Variants in C16orf89 observed in about 807,000 individuals in gnomAD.
C16orf89 encodes chromosome 16 open reading frame 89.
C16orf89 carries 57 observed loss-of-function variants against 41.5 expected under a neutral mutation model. The ratio of observed to expected loss-of-function variants is 1.38; its 90% CI spans 1.11 to 1.71. The LOEUF is 1.71. Among genes scored for constraint, C16orf89 ranks in the 40% most tolerant of loss-of-function variants. The probability of loss-of-function intolerance (pLI) is 0.00; values close to 1 mark genes in which losing one functional copy is unlikely to be tolerated. For missense variants in C16orf89, 575 were observed against 445.9 expected (o/e 1.29, Z -2.61); for synonymous variants, 223 against 190.6 (o/e 1.17, Z -1.40).
intron 1 of C16orf89, among the ~76,000 whole-genome samples, chr16:5,064,525 C>T (rs935125833): frequency 2.0e-5 from 3 of 152,358 alleles, no homozygotes; most frequent in East Asian, 3.9e-4. Flanking sequence ...CAAAACTCCA[C>T]GAGAGCAGTT....
chr16:5,051,673 A>G (rs750923217), intron 6 of C16orf89, among the ~76,000 whole-genome samples: 4 of 152,206 alleles, frequency 2.6e-5, no homozygotes, highest in Non-Finnish European at 4.4e-5. Context: ...CATTCTTCAC[A>G]GAAATAGAAA....
chr16:5,048,678 A>G (rs1430936889), intron 6 of C16orf89, among the ~76,000 whole-genome samples: 1 of 152,230 alleles, frequency 6.6e-6, no homozygotes, highest in Non-Finnish European at 1.5e-5. Flanking sequence ...TATCATGAAA[A>G]CATGAAAAAG....
intron 1 of C16orf89, 148 bp downstream of exon 1, chr16:5,065,553 C>T (rs1443410598): frequency 5.2e-6 from 5 of 953,640 alleles, no homozygotes; most frequent in Non-Finnish European, 7.7e-6. Flanking sequence ...CAGGAAGATC[C>T]AGCCCCTGGC....
At chr16:5,057,471 G>A (rs926107771) in intron 4 of C16orf89, among the ~76,000 whole-genome samples, 1 of 146,896 alleles carries the variant, frequency 6.8e-6, no homozygotes, top group East Asian at 2.1e-4. Context: ...ATATATACTG[G>A]TGTGTGTGTA....
At chr16:5,056,217 G>A (rs2142643043) in intron 4 of C16orf89, 29 bp from the exon 5 acceptor site, 3 of 1,572,700 alleles carry the variant, frequency 1.9e-6, no homozygotes, top group Non-Finnish European at 2.6e-6. Flanking sequence ...AAAGACAAGG[G>A]AGTCAGTGGT....
At chr16:5,060,497 C>T (rs1167060658) in intron 2 of C16orf89, 61 bp from the exon 3 acceptor site, 3 of 1,501,156 alleles carry the variant, frequency 2.0e-6, no homozygotes, top group South Asian at 1.3e-5. Context: ...CAGTGGGCCA[C>T]CCTGGTGTCC....
chr16:5,062,903 A>G (rs1956658344), intron 1 of C16orf89, among the ~76,000 whole-genome samples: 1 of 152,202 alleles, frequency 6.6e-6, no homozygotes, highest in Non-Finnish European at 1.5e-5. Context: ...TGGCCAGAGA[A>G]AGGTTGCAGG....
At chr16:5,048,301 C>A (rs1596684449) in intron 6 of C16orf89, among the ~76,000 whole-genome samples, 1 of 152,146 alleles carries the variant, frequency 6.6e-6, no homozygotes, top group East Asian at 1.9e-4. Flanking sequence ...TCCCAAAGTA[C>A]TGGATTATAT....
chr16:5,044,197 C>A lies in C16orf89; in HGVS notation c.*151G>T. Reference sequence around the variant, plus strand: ...CCCCCACCTACCCTGGCCTTGCCTACTCAGGGCTTCCAAGATTGGGTGTCG... The same window carrying A: ...CCCCCACCTACCCTGGCCTTGCCTAATCAGGGCTTCCAAGATTGGGTGTCG... On this transcript the variant is annotated 3_prime_UTR_variant, in exon 8 of 8. Transcript: ENST00000472572. 7.1e-7 allele frequency: 1 copy of A among 1,400,866 alleles called. No homozygotes were observed. The highest frequency in any genetic ancestry group is 9.2e-7 in the Non-Finnish European group (1 of 1,082,140). 86.8% of individuals were successfully genotyped at this position (1,400,866 alleles called of 1,614,324 possible). A position where few individuals can be genotyped will look rare whatever the true frequency, so the allele number is the denominator to read the frequency against.
chr16:5,060,220 G>A lies in C16orf89; in HGVS notation c.509+66C>T, dbSNP rs147298665. ...CCCTAGGGCTTGGAGAAGGAGGAGC[G>A]GGACAGGACCAGCTGAGAACTAGTG... On this transcript the variant is annotated intron_variant, in intron 3 of 7. Coordinates refer to ENST00000472572, the MANE Select transcript of C16orf89 (RefSeq NM_001098514.3). The A allele has an allele frequency of 2.4e-3, 3,564 of 1,498,600 alleles. 7 individuals are homozygous for A. The highest frequency in any genetic ancestry group is 2.3e-3 in the Non-Finnish European group (2,500 of 1,109,538). The allele number at this position is 1,498,600 out of a possible 1,614,324, so 92.8% of individuals were successfully genotyped here. A position where few individuals can be genotyped will look rare whatever the true frequency, so the allele number is the denominator to read the frequency against.
intron 7 of C16orf89, among the ~76,000 whole-genome samples, chr16:5,047,612 C>T (rs964074813): frequency 5.3e-5 from 8 of 152,018 alleles, no homozygotes; most frequent in Non-Finnish European, 8.8e-5. Context: ...GGACTACAGG[C>T]GTGTGCCACC....
chr16:5,064,292 A>T (rs1956690668), intron 1 of C16orf89, among the ~76,000 whole-genome samples: 1 of 152,190 alleles, frequency 6.6e-6, no homozygotes, highest in Non-Finnish European at 1.5e-5. Flanking sequence ...CTGCAATGGG[A>T]CGTAGACCCT....
intron 2 of C16orf89, 130 bp from the exon 3 acceptor site, chr16:5,060,566 C>T (rs1956597180): frequency 1.1e-6 from 1 of 911,614 alleles, no homozygotes; most frequent in South Asian, 2.4e-5. Context: ...TAAGCCCTGT[C>T]CCCTGGTCCC....
At chr16:5,048,945 C>T (rs1467045600) in intron 6 of C16orf89, among the ~76,000 whole-genome samples, 10 of 151,836 alleles carry the variant, frequency 6.6e-5, no homozygotes, top group South Asian at 4.2e-4. Flanking sequence ...TGAAAAAAAA[C>T]GACCCAACTA....
chr16:5,048,830 A>G (rs1399799480), intron 6 of C16orf89, among the ~76,000 whole-genome samples: 2 of 152,200 alleles, frequency 1.3e-5, no homozygotes, highest in South Asian at 2.1e-4. Flanking sequence ...TAACCAGAAA[A>G]CAATTAATGA....
rs1022947271 is a variant in C16orf89 at position 5,044,344 on chromosome 16, C to T, written c.*4G>A. 23 of 1,597,176 alleles carry T rather than the reference C, an allele frequency of 1.4e-5. No individual in the cohort carries two copies. The highest frequency in any genetic ancestry group is 9.1e-5 in the South Asian group (8 of 88,346). ...TCCAGGCAGCTGGCATGGAACCGTC[C>T]GTCTCAGCGGCTGCTTGGTGGTGGC... On this transcript the variant is annotated 3_prime_UTR_variant, in exon 8 of 8. Transcript: ENST00000472572.
chr16:5,060,500 T>G, intron 2 of C16orf89, 64 bp from the exon 3 acceptor site: 1 of 1,491,520 alleles, frequency 6.7e-7, no homozygotes, highest in Non-Finnish European at 9.1e-7. Context: ...TGGGCCACCC[T>G]GGTGTCCCCA....
intron 6 of C16orf89, among the ~76,000 whole-genome samples, chr16:5,052,492 G>C (rs1156663196): frequency 2.0e-5 from 3 of 152,142 alleles, no homozygotes; most frequent in Non-Finnish European, 4.4e-5. Context: ...TCAGGAAGCT[G>C]AGGCTGGAGA....
At chr16:5,045,863 C>A (rs1384671453) in intron 7 of C16orf89, among the ~76,000 whole-genome samples, 1 of 152,206 alleles carries the variant, frequency 6.6e-6, no homozygotes, top group African/African-American at 2.4e-5. Context: ...AATCAGCACA[C>A]CCCTCCTGGG....
Sources: gnomAD v4.1 joint callset for allele counts (sites outside exome capture counted in the v4.1 genomes callset) on GRCh38, gnomAD v4.1.1 for gene constraint, MANE v1.5 for transcripts, NCBI Gene and HGNC (gene_info 2026-07-23, HGNC 2026-07-21) for gene names.